Variants in USP39 observed in about 807,000 individuals in gnomAD.
The protein encoded by USP39 is ubiquitin specific peptidase 39, also known as ubiquitin carboxyl-terminal hydrolase 39.
USP39 carries 38 observed loss-of-function variants against 66.4 expected under a neutral mutation model. That is an observed-to-expected ratio of 0.57 (90% confidence interval 0.44 to 0.75). USP39 has a LOEUF of 0.75. USP39 is among the 30% of genes least tolerant of loss of function. USP39 has a pLI of 0.00. For synonymous variants in USP39, 303 were observed against 274.6 expected (o/e 1.10, Z -1.02); for missense variants, 608 against 714.4 (o/e 0.85, Z 1.70).
At chr2:85,612,895 A>C (rs1673657461), upstream of USP39, among the ~76,000 whole-genome samples, 1 of 151,328 alleles carries the variant, frequency 6.6e-6, no homozygotes, top group African/African-American at 2.4e-5. Context: ...TCCTGACCTC[A>C]GGTGATCCGC....
intron 1 of USP39, 110 bp downstream of exon 1, chr2:85,616,573 G>GGA: frequency 7.6e-7 from 1 of 1,311,588 alleles, no homozygotes; most frequent in African/African-American, 1.6e-5. Context: ...GGAGGGGTGG[G>GGA]GTTGGGGTGG....
At chr2:85,632,973 A>G (rs1017069603) in intron 6 of USP39, among the ~76,000 whole-genome samples, 3 of 152,152 alleles carry the variant, frequency 2.0e-5, no homozygotes, top group South Asian at 4.1e-4. Flanking sequence ...TGCCTGGCAT[A>G]GTCAGAGACT....
At chr2:85,630,668 C>A in intron 5 of USP39, 53 bp from the exon 6 acceptor site, 1 of 1,551,036 alleles carries the variant, frequency 6.4e-7, no homozygotes, top group Non-Finnish European at 8.9e-7. Flanking sequence ...AAGAGCTTGG[C>A]TCAAGGGGTC....
At chr2:85,643,541 T>G (rs1676413180) in intron 10 of USP39, among the ~76,000 whole-genome samples, 2 of 151,538 alleles carry the variant, frequency 1.3e-5, no homozygotes, top group Non-Finnish European at 2.9e-5. Flanking sequence ...ACAAGTCTAG[T>G]CAGCTTTTGT....
In USP39 at chr2:85,616,416, G is replaced by C. The variant is rs752163474; in HGVS notation, c.221G>C (p.Arg74Pro). The C allele has an allele frequency of 1.2e-5, 19 of 1,595,474 alleles. No individual in the cohort carries two copies. Among genetic ancestry groups the C allele is most frequent in the African/African-American group, 4.1e-5 (3 of 73,868 alleles). ...GTTGTCCCGTTTGTGCGGGTGAAGCGGGAGCGCGAGGTCGATGAGGACTCG... is the reference window on the plus strand; with the variant it reads ...GTTGTCCCGTTTGTGCGGGTGAAGCCGGAGCGCGAGGTCGATGAGGACTCG... The part of the protein sequence containing the change: ...ASVVPFVRVK[R>P]EREVDEDSEP... Residue 74 changes from arginine to proline, a missense_variant, in exon 1 of 13, where the codon CGG becomes CCG. Physicochemically the swap from Arg to Pro is moderately radical, Grantham distance 103. Coordinates refer to ENST00000323701, the MANE Select transcript of USP39 (RefSeq NM_006590.4).
chr2:85,606,307 G>C (rs1558836083), intron 1 of USP39, among the ~76,000 whole-genome samples: 1 of 152,212 alleles, frequency 6.6e-6, no homozygotes, highest in African/African-American at 2.4e-5. Flanking sequence ...TGTTCTTTGG[G>C]ACATCTCTGG....
chr2:85,644,813 T>G lies in USP39; in HGVS notation c.1428-135T>G, dbSNP rs978748748. On this transcript the variant is annotated intron_variant, in intron 10 of 12. Transcript: ENST00000323701. ...TGAATTCCAACGCACCTGGACCTTC[T>G]TGACTCTGCAAGCCTACCCAGAGAA... is the stretch of plus-strand genomic sequence containing the variant. 4 of 1,190,904 alleles carry G rather than the reference T, an allele frequency of 3.4e-6. No homozygotes were observed. In the African/African-American group the frequency reaches 6.2e-5, roughly 18 times the overall value. 73.8% of individuals were successfully genotyped at this position (1,190,904 alleles called of 1,614,324 possible).
intron 7 of USP39, 81 bp from the exon 8 acceptor site, chr2:85,637,288 C>T: frequency 6.6e-7 from 1 of 1,518,394 alleles, no homozygotes; most frequent in African/African-American, 1.4e-5. Context: ...TGGTTTATTT[C>T]AGAAATTTAG....
intron 7 of USP39, among the ~76,000 whole-genome samples, chr2:85,636,776 AT>A (rs1405252615): frequency 6.6e-6 from 1 of 152,124 alleles, no homozygotes; most frequent in Non-Finnish European, 1.5e-5. Flanking sequence ...TATAGATGTG[AT>A]GGTGTCTTGA....
intron 7 of USP39, among the ~76,000 whole-genome samples, chr2:85,636,596 C>G (rs1288868309): frequency 6.6e-6 from 1 of 152,106 alleles, no homozygotes; most frequent in African/African-American, 2.4e-5. Context: ...CTCCATCTCC[C>G]AGGTTCAAGC....
At chr2:85,648,154 T>G in intron 12 of USP39, 138 bp downstream of exon 12, 1 of 761,116 alleles carries the variant, frequency 1.3e-6, no homozygotes, top group Non-Finnish European at 2.1e-6. Context: ...TACTTAGTAG[T>G]GAGTTGGGGG....
chr2:85,647,658 C>CA (rs397707342), intron 11 of USP39, among the ~76,000 whole-genome samples: 7,581 of 82,036 alleles, frequency 0.092, 221 homozygotes, highest in Middle Eastern at 0.18. Flanking sequence ...GACCCTGTCT[C>CA]AAAAAAAAAA....
intron 6 of USP39, among the ~76,000 whole-genome samples, chr2:85,634,368 G>A (rs958292936): frequency 5.3e-5 from 8 of 152,070 alleles, no homozygotes; most frequent in African/African-American, 1.7e-4. Context: ...GAGCCCAAGA[G>A]TTCAAGACCA....
intron 6 of USP39, 103 bp downstream of exon 6, chr2:85,631,049 C>G: frequency 9.5e-7 from 1 of 1,053,924 alleles, no homozygotes; most frequent in Non-Finnish European, 1.4e-6. Context: ...GAGTCTCACT[C>G]TGTCACCCAG....
chr2:85,617,653 A>AAATGGTT (rs1674098215), intron 1 of USP39, among the ~76,000 whole-genome samples: 1 of 152,200 alleles, frequency 6.6e-6, no homozygotes, highest in Non-Finnish European at 1.5e-5. Context: ...TCGTTTGAAA[A>AAATGGTT]AATGGTTAAT....
At chr2:85,632,796 T>C (rs1191490984) in intron 6 of USP39, among the ~76,000 whole-genome samples, 3 of 152,094 alleles carry the variant, frequency 2.0e-5, no homozygotes, top group African/African-American at 7.2e-5. Flanking sequence ...AGTGCTGTGC[T>C]ATGGGAGGGG....
At position 85,619,268 on chromosome 2, in the gene USP39, C is replaced by T. The variant is rs766266447; in HGVS notation, c.317C>T (p.Pro106Leu). 2 of 1,613,750 alleles carry T rather than the reference C, an allele frequency of 1.2e-6. No individual in the cohort carries two copies. The highest frequency in any genetic ancestry group is 1.7e-6 in the Non-Finnish European group (2 of 1,179,920). Reference sequence around the variant, plus strand: ...GAGGACCGGAGGAGCCGCCACTGCCCGTACCTGGACACCATTAACAGGTCA... The same window carrying T: ...GAGGACCGGAGGAGCCGCCACTGCCTGTACCTGGACACCATTAACAGGTCA... The part of the protein sequence containing the change: ...DSEDRRSRHC[P>L]YLDTINRSVL... The change falls in exon 2 of 13, where the codon CCG becomes CTG. Residue 106 changes from proline (P) to leucine (L), a missense_variant. Pro to Leu is a moderately conservative substitution (Grantham distance 98). This residue lies in a region of USP39 where 115 missense variants were observed against 198.6 expected (regional missense o/e 0.58). Transcript: ENST00000323701.
chr2:85,611,981 C>T (rs1287033787), upstream of USP39: 3 of 1,533,618 alleles, frequency 2.0e-6, no homozygotes, highest in South Asian at 3.6e-5. Context: ...GGCCCCGCCT[C>T]CATCAGGAGC....
At chr2:85,616,103 G>T, upstream of USP39, 1 of 1,358,418 alleles carries the variant, frequency 7.4e-7, no homozygotes, top group South Asian at 1.9e-5. Flanking sequence ...TAGAGAGTTC[G>T]GGGCTCGCTA....
Sources: allele counts gnomAD v4.1 joint callset (sites outside exome capture counted in the v4.1 genomes callset), GRCh38; gene constraint gnomAD v4.1.1; regional missense constraint gnomAD v4.1.1; transcripts MANE v1.5; gene names NCBI Gene and HGNC (gene_info 2026-07-23, HGNC 2026-07-21).